Variants in DNAH9 observed in about 807,000 individuals in gnomAD.
DNAH9 encodes the protein dynein axonemal heavy chain 9.
A neutral mutation model predicts 471.6 loss-of-function variants in DNAH9; 345 were observed. That is an observed-to-expected ratio of 0.73 (90% CI 0.67 to 0.80). DNAH9 has a LOEUF of 0.80. Ranked by LOEUF, DNAH9 falls within the 30% of genes least tolerant of loss-of-function variation. The probability of loss-of-function intolerance (pLI) is 0.00; values close to 1 mark genes in which losing one functional copy is unlikely to be tolerated. For synonymous variants in DNAH9, 2,093 were observed against 2,123.6 expected (o/e 0.99, Z 0.40); for missense variants, 5,407 against 5,609.2 (o/e 0.96, Z 1.15).
intron 64 of DNAH9, among the ~76,000 whole-genome samples, chr17:11,933,609 A>G (rs182798066): frequency 0.018 from 2,702 of 152,140 alleles, 39 homozygotes; most frequent in Non-Finnish European, 0.028. Context: ...TGAACTCCCA[A>G]TCTCAGGTGA....
intron 29 of DNAH9, among the ~76,000 whole-genome samples, chr17:11,739,499 CT>C: frequency 6.6e-6 from 1 of 151,992 alleles, no homozygotes; most frequent in East Asian, 1.9e-4. Flanking sequence ...GCATATAAAT[CT>C]TTTTTTTCCG....
intron 26 of DNAH9, among the ~76,000 whole-genome samples, chr17:11,713,704 T>G (rs1440714944): frequency 6.6e-6 from 1 of 152,230 alleles, no homozygotes; most frequent in Admixed American, 6.5e-5. Flanking sequence ...TTTTCGCTTG[T>G]GTACAGGAGA....
intron 35 of DNAH9, among the ~76,000 whole-genome samples, chr17:11,761,732 G>A (rs982331176): frequency 1.1e-4 from 16 of 152,046 alleles, no homozygotes; most frequent in East Asian, 1.9e-4. Context: ...TCACCAACTC[G>A]GAGTAACCCT....
At position 11,713,428 on chromosome 17, in the gene DNAH9, T is replaced by G. The variant is rs145387303; in HGVS notation, c.5553-5906T>G. On this transcript the variant is annotated intron_variant, in intron 26 of 68. Transcript: ENST00000262442. ...TCTGGGTATATACCCAGTAATGGGA[T>G]GGCTGGGTCAAATGGTAGTCCTGCT... Among the ~76,000 whole-genome samples the G allele has an allele frequency of 4.2e-4, 64 of 152,270 alleles. 2 individuals carry two copies. The East Asian group carries it at 0.012, about 29-fold the overall frequency.
intron 26 of DNAH9, among the ~76,000 whole-genome samples, chr17:11,718,975 G>A (rs1364300704): frequency 1.3e-5 from 2 of 152,158 alleles, no homozygotes; most frequent in Non-Finnish European, 2.9e-5. Context: ...GATGATTGGG[G>A]GAGGATCAGG....
In DNAH9 at chr17:11,822,582, AAC is replaced by A; in HGVS notation, c.8999_9000del (p.Thr3000ArgfsTer4). 6 of 1,614,180 alleles carry A rather than the reference AAC, an allele frequency of 3.7e-6. No individual in the cohort carries two copies. The highest frequency in any genetic ancestry group is 5.1e-6 in the Non-Finnish European group (6 of 1,180,038). On this transcript the variant is annotated frameshift_variant, in exon 47 of 69. Coordinates refer to ENST00000262442, the MANE Select transcript of DNAH9 (RefSeq NM_001372.4). LOFTEE classifies it high-confidence loss of function. ...LESVSLRFLQ[N>X]TEGIEPTVKQ... Reference sequence around the variant, plus strand: ...GTCTGTCAGCCTCCGCTTCTTGCAGAACACAGAGGGCATTGAGGTGAGAGAGA... The same window carrying A: ...GTCTGTCAGCCTCCGCTTCTTGCAGAACAGAGGGCATTGAGGTGAGAGAGA...
chr17:11,653,917 T>C (rs1024806921), intron 14 of DNAH9, among the ~76,000 whole-genome samples: 1 of 152,108 alleles, frequency 6.6e-6, no homozygotes, highest in African/African-American at 2.4e-5. Flanking sequence ...CATCCACTCA[T>C]TCACCCATCC....
chr17:11,823,654 G>A (rs772459664), intron 48 of DNAH9, among the ~76,000 whole-genome samples: 11 of 152,110 alleles, frequency 7.2e-5, no homozygotes, highest in South Asian at 4.1e-4. Flanking sequence ...CCTGTCGGCC[G>A]GGCACGGTGG....
chr17:11,650,275 G>A (rs551578238), intron 12 of DNAH9, among the ~76,000 whole-genome samples: 1 of 152,264 alleles, frequency 6.6e-6, no homozygotes, highest in South Asian at 2.1e-4. Flanking sequence ...AGAACCTGGG[G>A]CCATCTGTTC....
intron 68 of DNAH9, among the ~76,000 whole-genome samples, chr17:11,965,988 A>T (rs1257307116): frequency 6.6e-6 from 1 of 152,208 alleles, no homozygotes; most frequent in Non-Finnish European, 1.5e-5. Flanking sequence ...ATAACAACAT[A>T]TGCACAATGG....
Position 11,879,064 on chromosome 17 carries a change from G to A in DNAH9, c.10479-1014G>A, listed in dbSNP as rs145074407. On this transcript the variant is annotated intron_variant, in intron 53 of 68. Transcript: ENST00000262442. ...ATATATTAAATTATTTTATTAAATA[G>A]GGTCATTATTCTTTTCTATGTATCT... Among the ~76,000 whole-genome samples, 40 of 151,956 alleles carry A rather than the reference G, an allele frequency of 2.6e-4. No individual in the cohort carries two copies. In the East Asian group the frequency reaches 6.9e-3, roughly 26 times the overall value.
At chr17:11,921,340 T>C (rs775729713) in intron 61 of DNAH9, among the ~76,000 whole-genome samples, 30 of 151,424 alleles carry the variant, frequency 2.0e-4, no homozygotes, top group Middle Eastern at 3.2e-3. Context: ...GCCAATGCCA[T>C]AGGGGTATGG....
At chr17:11,617,199 G>T (rs1358424714) in intron 4 of DNAH9, among the ~76,000 whole-genome samples, 1 of 152,128 alleles carries the variant, frequency 6.6e-6, no homozygotes, top group Non-Finnish European at 1.5e-5. Context: ...CCATTTAGAG[G>T]AATGTTACAA....
chr17:11,747,316 G>T (rs533432349), intron 31 of DNAH9, among the ~76,000 whole-genome samples: 2 of 152,012 alleles, frequency 1.3e-5, no homozygotes, highest in Admixed American at 6.6e-5. Flanking sequence ...AATCCCCCTC[G>T]CCTGGCACAC....
At chr17:11,709,099 T>TTAC (rs2074786919) in intron 26 of DNAH9, among the ~76,000 whole-genome samples, 1 of 152,228 alleles carries the variant, frequency 6.6e-6, no homozygotes, top group Non-Finnish European at 1.5e-5. Context: ...TTGAAGATAA[T>TTAC]TACCTCTTTT....
chr17:11,742,940 C>T (rs547746377), intron 30 of DNAH9, among the ~76,000 whole-genome samples: 10 of 152,270 alleles, frequency 6.6e-5, no homozygotes, highest in South Asian at 4.2e-4. Context: ...TGCAGAAAAT[C>T]CTGTTTTCCT....
At chr17:11,866,068 G>C (rs1972042627) in intron 50 of DNAH9, among the ~76,000 whole-genome samples, 1 of 152,200 alleles carries the variant, frequency 6.6e-6, no homozygotes, top group African/African-American at 2.4e-5. Context: ...GAGGAACTGT[G>C]ATCCTTTGGA....
At position 11,689,726 on chromosome 17, in the gene DNAH9, C is replaced by T. The variant is rs766756734; in HGVS notation, c.3904C>T (p.Leu1302=). The change falls in exon 20 of 69, where the codon CTG becomes TTG. Residue 1302 remains leucine (L), a synonymous_variant. Coordinates refer to ENST00000262442, the MANE Select transcript of DNAH9 (RefSeq NM_001372.4). ...GCAGTGCAGGAAGGAGGTCTGCCAGCTGAAGGAGCTCTGGGACACCATTGG... is the reference window on the plus strand; with the variant it reads ...GCAGTGCAGGAAGGAGGTCTGCCAGTTGAAGGAGCTCTGGGACACCATTGG... ...LRQCRKEVCQ[L]KELWDTIGMV... The T allele has an allele frequency of 9.3e-6, 15 of 1,614,084 alleles. No individual in the cohort carries two copies. Among genetic ancestry groups the T allele is most frequent in the Admixed American group, 5.0e-5 (3 of 60,010 alleles).
intron 32 of DNAH9, among the ~76,000 whole-genome samples, chr17:11,749,718 CATTT>C (rs990663224): frequency 2.0e-5 from 3 of 151,938 alleles, no homozygotes; most frequent in African/African-American, 7.3e-5. Flanking sequence ...GTAACCGTAC[CATTT>C]ATTAAGTAAA....
Sources: allele counts gnomAD v4.1 joint callset (sites outside exome capture counted in the v4.1 genomes callset), GRCh38; gene constraint gnomAD v4.1.1; transcripts MANE v1.5; gene names NCBI Gene and HGNC (gene_info 2026-07-23, HGNC 2026-07-21).